MARCHF1: variants seen among roughly 807,000 people sequenced by gnomAD.
MARCHF1 encodes the protein membrane associated ring-CH-type finger 1.
Under a neutral mutation model 54.2 loss-of-function variants are expected in MARCHF1, and 40 were observed. The observed-to-expected ratio is 0.74, with a 90% CI of 0.57 to 0.96. MARCHF1 has a LOEUF of 0.96. Ranked by LOEUF, MARCHF1 falls within the 40% of genes least tolerant of loss-of-function variation. The pLI, the probability that MARCHF1 is intolerant of heterozygous loss-of-function variation, is 0.00. For synonymous variants in MARCHF1, 236 were observed against 236.3 expected (o/e 1.00, Z 0.01); for missense variants, 586 against 656.5 (o/e 0.89, Z 1.17).
At chr4:164,328,210 A>G (rs1735332268) in intron 1 of MARCHF1, among the ~76,000 whole-genome samples, 1 of 152,222 alleles carries the variant, frequency 6.6e-6, no homozygotes, top group Non-Finnish European at 1.5e-5. Context: ...AAAGAAAAGC[A>G]TTAGTGCATC....
At chr4:164,172,542 C>G (rs1169750255) in intron 1 of MARCHF1, among the ~76,000 whole-genome samples, 1 of 152,036 alleles carries the variant, frequency 6.6e-6, no homozygotes, top group Non-Finnish European at 1.5e-5. Flanking sequence ...TTATCTTGAT[C>G]CCCACACAAG....
At chr4:164,216,158 T>C (rs1306275036) in intron 1 of MARCHF1, among the ~76,000 whole-genome samples, 1 of 152,222 alleles carries the variant, frequency 6.6e-6, no homozygotes, top group Non-Finnish European at 1.5e-5. Context: ...TCTATAATGA[T>C]ACCAACATTT....
intron 2 of MARCHF1, among the ~76,000 whole-genome samples, chr4:164,069,459 A>T (rs1276904726): frequency 6.6e-6 from 1 of 152,010 alleles, no homozygotes; most frequent in African/African-American, 2.4e-5. Flanking sequence ...CTCACCGCGA[A>T]GGTCTGCAGC....
chr4:163,813,969 C>A (rs987434299), intron 4 of MARCHF1, among the ~76,000 whole-genome samples: 6 of 152,190 alleles, frequency 3.9e-5, no homozygotes, highest in African/African-American at 1.2e-4. Context: ...GGGCATAAAA[C>A]CCCTTGTGGC....
chr4:163,619,429 T>C (rs901664661), intron 5 of MARCHF1, among the ~76,000 whole-genome samples: 1 of 152,122 alleles, frequency 6.6e-6, no homozygotes, highest in Non-Finnish European at 1.5e-5. Context: ...ACTGAAAAAG[T>C]GACACAGGGG....
intron 5 of MARCHF1, among the ~76,000 whole-genome samples, chr4:163,648,674 GC>G (rs1404820631): frequency 6.9e-6 from 1 of 145,340 alleles, no homozygotes; most frequent in Admixed American, 6.9e-5. Flanking sequence ...AAAACAAGGA[GC>G]TGAAAATTAT....
Position 163,718,052 on chromosome 4 carries a change from A to G in MARCHF1, c.112-17189T>C, listed in dbSNP as rs1579222287. Among the ~76,000 whole-genome samples the G allele has an allele frequency of 2.0e-5, 3 of 152,340 alleles. No homozygotes were observed. The East Asian group carries it at 5.8e-4, about 29-fold the overall frequency. The stretch of plus-strand genomic sequence containing the variant: ...ACCTGACAAAAACAAGAAATGGGCA[A>G]AGGATTCCCTATTTAATCAATGGTG... On this transcript the variant is annotated intron_variant, in intron 4 of 9. Coordinates refer to ENST00000514618, the MANE Select transcript of MARCHF1 (RefSeq NM_001394959.1).
chr4:163,873,497 T>C (rs1258090826), intron 3 of MARCHF1, among the ~76,000 whole-genome samples: 1 of 152,214 alleles, frequency 6.6e-6, no homozygotes, highest in Non-Finnish European at 1.5e-5. Context: ...AGCTGGACTC[T>C]GCATGGCATC....
intron 5 of MARCHF1, among the ~76,000 whole-genome samples, chr4:163,644,969 T>C (rs964662089): frequency 1.3e-5 from 2 of 152,198 alleles, no homozygotes; most frequent in African/African-American, 4.8e-5. Context: ...GTCTCAGCTG[T>C]AGACCCTGAA....
chr4:164,307,620 C>T (rs1222895107), intron 1 of MARCHF1, among the ~76,000 whole-genome samples: 2 of 152,142 alleles, frequency 1.3e-5, no homozygotes, highest in Non-Finnish European at 2.9e-5. Flanking sequence ...GAACAGAGAT[C>T]CCAATTACAA....
At chr4:164,079,690 C>T (rs1329359934) in intron 2 of MARCHF1, among the ~76,000 whole-genome samples, 1 of 151,878 alleles carries the variant, frequency 6.6e-6, no homozygotes, top group Non-Finnish European at 1.5e-5. Flanking sequence ...TTTGTGTAAT[C>T]CTTTATTTTT....
At chr4:164,061,726 A>T (rs1324410181) in intron 2 of MARCHF1, among the ~76,000 whole-genome samples, 1 of 152,170 alleles carries the variant, frequency 6.6e-6, no homozygotes, top group Non-Finnish European at 1.5e-5. Flanking sequence ...ACCAAAAAAA[A>T]GAGTGCAATA....
Position 164,243,524 on chromosome 4 carries a change from C to A in MARCHF1, c.-322-131862G>T, listed in dbSNP as rs376546060. On this transcript the variant is annotated intron_variant, in intron 1 of 9. Transcript: ENST00000514618. ...AATCATGCCAAAATGTAAAGACCAT[C>A]GAGACTAGGAAGAAACTGCATCAAC... Among the ~76,000 whole-genome samples the A allele has an allele frequency of 1.2e-3, 190 of 152,100 alleles. 2 individuals carry two copies. In the East Asian group the frequency reaches 0.015, roughly 12 times the overall value.
chr4:163,775,128 C>T (rs1186406856), intron 4 of MARCHF1, among the ~76,000 whole-genome samples: 1 of 152,280 alleles, frequency 6.6e-6, no homozygotes, highest in Non-Finnish European at 1.5e-5. Flanking sequence ...TCAGGTCTAG[C>T]CACTCTCAAG....
intron 4 of MARCHF1, among the ~76,000 whole-genome samples, chr4:163,810,027 G>A (rs1490493241): frequency 6.6e-6 from 1 of 151,908 alleles, no homozygotes; most frequent in Non-Finnish European, 1.5e-5. Flanking sequence ...ATCAGAGAGG[G>A]AGACACTGAC....
intron 1 of MARCHF1, among the ~76,000 whole-genome samples, chr4:164,199,807 T>C (rs974978537): frequency 6.6e-6 from 1 of 152,116 alleles, no homozygotes; most frequent in Admixed American, 6.5e-5. Flanking sequence ...TTTCAGTAGC[T>C]CCCCAGTGGC....
intron 8 of MARCHF1, among the ~76,000 whole-genome samples, chr4:163,549,175 G>A (rs74719711): frequency 0.03 from 4,641 of 152,268 alleles, 105 homozygotes; most frequent in Non-Finnish European, 0.044. Context: ...ACCACGCCTG[G>A]CTAATTTTTT....
intron 4 of MARCHF1, among the ~76,000 whole-genome samples, chr4:163,837,266 G>A (rs1287204778): frequency 6.6e-6 from 1 of 152,066 alleles, no homozygotes; most frequent in Non-Finnish European, 1.5e-5. Context: ...AGTAGAAAGT[G>A]TCAAAGCTAT....
At chr4:164,023,730 A>C (rs1190527521) in intron 2 of MARCHF1, among the ~76,000 whole-genome samples, 1 of 151,992 alleles carries the variant, frequency 6.6e-6, no homozygotes, top group Non-Finnish European at 1.5e-5. Context: ...GTAGTTCTTA[A>C]ACAGACTGAA....
Sources: gnomAD v4.1 joint callset for allele counts (sites outside exome capture counted in the v4.1 genomes callset) on GRCh38, gnomAD v4.1.1 for gene constraint, MANE v1.5 for transcripts, NCBI Gene and HGNC (gene_info 2026-07-23, HGNC 2026-07-21) for gene names.